The following DLGAP2 variants were observed in gnomAD, a reference collection of about 807,000 sequenced individuals.
The protein encoded by DLGAP2 is disks large-associated protein 2.
Under a neutral mutation model 100.3 loss-of-function variants are expected in DLGAP2, and 26 were observed. The ratio of observed to expected loss-of-function variants is 0.26; its 90% CI spans 0.19 to 0.36. The LOEUF (loss-of-function observed/expected upper bound fraction) is 0.36, where lower values mean the gene tolerates loss of function less well. DLGAP2 is among the 10% of genes least tolerant of loss of function. The probability of loss-of-function intolerance (pLI) is 1.00; values close to 1 mark genes in which losing one functional copy is unlikely to be tolerated. For missense variants in DLGAP2, 1,858 were observed against 1,453.2 expected, an observed-to-expected ratio of 1.28 and a Z score of -4.53; for synonymous variants, 886 against 630.1, an observed-to-expected ratio of 1.41 and a Z score of -6.08.
chr8:1,554,885 C>G (rs760972166), intron 5 of DLGAP2, among the ~76,000 whole-genome samples: 1 of 152,018 alleles, frequency 6.6e-6, no homozygotes, highest in East Asian at 1.9e-4. Context: ...TAACAAGCTT[C>G]TCAGAAAACT....
chr8:1,506,522 T>C (rs1057164458), intron 4 of DLGAP2, among the ~76,000 whole-genome samples: 3 of 152,006 alleles, frequency 2.0e-5, no homozygotes, highest in Non-Finnish European at 4.4e-5. Flanking sequence ...ATAAAAGGAG[T>C]GCGGACCCAA....
chr8:1,187,839 A>C (rs1399566823), intron 2 of DLGAP2, among the ~76,000 whole-genome samples: 1 of 111,078 alleles, frequency 9.0e-6, no homozygotes, highest in African/African-American at 5.3e-5. Flanking sequence ...TGTTTCCCTC[A>C]CGGAATCTCA....
At chr8:859,262 C>G (rs1398556650) in intron 1 of DLGAP2, among the ~76,000 whole-genome samples, 1 of 152,074 alleles carries the variant, frequency 6.6e-6, no homozygotes, top group African/African-American at 2.4e-5. Context: ...CAGGCGCACG[C>G]CACGAAGCCT....
chr8:1,251,780 TGTG>T (rs1371055778), intron 2 of DLGAP2, among the ~76,000 whole-genome samples: 1 of 152,238 alleles, frequency 6.6e-6, no homozygotes, highest in Admixed American at 6.5e-5. Flanking sequence ...GTCCTAGGGT[TGTG>T]GTGTCCCACA....
intron 2 of DLGAP2, among the ~76,000 whole-genome samples, chr8:1,239,978 C>T (rs1406709110): frequency 7.1e-6 from 1 of 140,346 alleles, no homozygotes; most frequent in Non-Finnish European, 1.5e-5. Flanking sequence ...CACATAGCGT[C>T]TTGTCTAGTT....
intron 8 of DLGAP2, among the ~76,000 whole-genome samples, chr8:1,663,297 G>T (rs1798461155): frequency 6.6e-6 from 1 of 152,072 alleles, no homozygotes; most frequent in African/African-American, 2.4e-5. Flanking sequence ...GAAATGAAGG[G>T]GTGGTGGCAA....
chr8:1,372,752 T>C (rs1472357318), intron 3 of DLGAP2, among the ~76,000 whole-genome samples: 1 of 152,216 alleles, frequency 6.6e-6, no homozygotes, highest in Non-Finnish European at 1.5e-5. Context: ...CAGTGTTTCA[T>C]CATTAAACTC....
At chr8:1,377,657 C>T (rs1401745078) in intron 3 of DLGAP2, among the ~76,000 whole-genome samples, 4 of 152,208 alleles carry the variant, frequency 2.6e-5, no homozygotes. Flanking sequence ...GCCCTGAGGG[C>T]CTGTGAGGAG....
At position 794,872 on chromosome 8, in the gene DLGAP2, G is replaced by A. The variant is rs1038134942; in HGVS notation, c.18+57047G>A. ...AACTGTTTGCTGGCCTGTGGGTGGC[G>A]GGTATTTCTAGCTGCAGGACGGGGT... is the stretch of plus-strand genomic sequence containing the variant. On this transcript the variant is annotated intron_variant, in intron 1 of 14. Coordinates refer to ENST00000637795, the MANE Select transcript of DLGAP2 (RefSeq NM_001346810.2). Among the ~76,000 whole-genome samples the A allele has an allele frequency of 1.7e-4, 26 of 152,136 alleles. 1 individual carries two copies. Among genetic ancestry groups the A allele is most frequent in the African/African-American group, 5.1e-4 (21 of 41,496 alleles).
At chr8:980,494 C>T (rs1177539282) in intron 2 of DLGAP2, among the ~76,000 whole-genome samples, 2 of 152,212 alleles carry the variant, frequency 1.3e-5, no homozygotes, top group Non-Finnish European at 2.9e-5. Context: ...CTGAGAGTGC[C>T]TTGGAGCAGG....
intron 3 of DLGAP2, among the ~76,000 whole-genome samples, chr8:1,331,977 C>T (rs1438121859): frequency 6.6e-6 from 1 of 152,082 alleles, no homozygotes; most frequent in Non-Finnish European, 1.5e-5. Flanking sequence ...ACCCCCTGAA[C>T]AGCCCCAGGG....
chr8:1,256,307 G>A (rs73533761), intron 2 of DLGAP2, among the ~76,000 whole-genome samples: 2 of 116,966 alleles, frequency 1.7e-5, no homozygotes, highest in East Asian at 5.3e-4. Flanking sequence ...GGTGCTGTCT[G>A]TGTGTCCTCT....
chr8:1,426,203 A>T (rs1385580107), intron 3 of DLGAP2, among the ~76,000 whole-genome samples: 1 of 152,214 alleles, frequency 6.6e-6, no homozygotes, highest in East Asian at 1.9e-4. Flanking sequence ...CCCAATACCC[A>T]CATCAGCAAA....
At chr8:1,582,951 G>C (rs1795992161) in intron 6 of DLGAP2, among the ~76,000 whole-genome samples, 1 of 152,276 alleles carries the variant, frequency 6.6e-6, no homozygotes, top group Middle Eastern at 3.4e-3. Context: ...CTCGGTTTTG[G>C]TGGTGGCTGC....
chr8:1,233,417 C>G (rs1235390835), intron 2 of DLGAP2, among the ~76,000 whole-genome samples: 1 of 152,208 alleles, frequency 6.6e-6, no homozygotes, highest in African/African-American at 2.4e-5. Context: ...GCGTGCCTGT[C>G]TTAGTAATTA....
intron 5 of DLGAP2, among the ~76,000 whole-genome samples, chr8:1,553,781 G>A (rs558293851): frequency 3.9e-5 from 6 of 152,302 alleles, no homozygotes; most frequent in South Asian, 2.1e-4. Flanking sequence ...TTCTCTGAAC[G>A]ACGTGTCTGT....
In DLGAP2 at chr8:1,694,689, G is replaced by A. The variant is rs76613432; in HGVS notation, c.2797-2458G>A. 5.1e-3 allele frequency among the ~76,000 whole-genome samples: 776 copies of A among 152,204 alleles called. 9 individuals carry two copies. The highest frequency in any genetic ancestry group is 0.048 in the East Asian group (246 of 5,174). ...GGTGTGTGCCTGAGCAGGTGCCGGC[G>A]CACAGAGAGCTGCCCCAGGCCACAC... On this transcript the variant is annotated intron_variant, in intron 13 of 14. Transcript: ENST00000637795.
At chr8:1,374,112 TG>T (rs1802328936) in intron 3 of DLGAP2, among the ~76,000 whole-genome samples, 1 of 145,124 alleles carries the variant, frequency 6.9e-6, no homozygotes, top group African/African-American at 2.7e-5. Flanking sequence ...GAGGACTGTG[TG>T]GTGGAGGTTA....
intron 2 of DLGAP2, among the ~76,000 whole-genome samples, chr8:1,197,358 G>A (rs1788241923): frequency 6.6e-6 from 1 of 152,218 alleles, no homozygotes; most frequent in Admixed American, 6.5e-5. Context: ...CAGTACCTGA[G>A]CCCTTGTCTC....
Sources: allele counts gnomAD v4.1 joint callset (sites outside exome capture counted in the v4.1 genomes callset), GRCh38; gene constraint gnomAD v4.1.1; transcripts MANE v1.5; gene names NCBI Gene and HGNC (gene_info 2026-07-23, HGNC 2026-07-21).